The following SORCS3 variants were observed in gnomAD, a reference collection of about 807,000 sequenced individuals.
SORCS3 encodes sortilin related VPS10 domain containing receptor 3, also known as VPS10 domain-containing receptor SorCS3.
Under a neutral mutation model 146.3 loss-of-function variants are expected in SORCS3, and 57 were observed. That is an observed-to-expected ratio of 0.39 (90% CI 0.31 to 0.49). The LOEUF (loss-of-function observed/expected upper bound fraction) is 0.49, where lower values mean the gene tolerates loss of function less well. Ranked by LOEUF, SORCS3 falls within the 20% of genes least tolerant of loss-of-function variation. SORCS3 has a pLI of 0.92. For missense variants in SORCS3, 1,341 were observed against 1,575.5 expected, an observed-to-expected ratio of 0.85 and a Z score of 2.52; for synonymous variants, 653 against 618.5, an observed-to-expected ratio of 1.06 and a Z score of -0.83.
At chr10:105,114,939 T>C (rs749801296) in intron 7 of SORCS3, among the ~76,000 whole-genome samples, 1 of 152,136 alleles carries the variant, frequency 6.6e-6, no homozygotes, top group South Asian at 2.1e-4. Context: ...GTTCTATGTA[T>C]AAACATAGAA....
At chr10:104,684,650 G>C (rs532459641) in intron 1 of SORCS3, among the ~76,000 whole-genome samples, 1 of 152,056 alleles carries the variant, frequency 6.6e-6, no homozygotes, top group South Asian at 2.1e-4. Flanking sequence ...CACTGCTTCT[G>C]TTCTTCAGAT....
At chr10:105,115,649 C>T (rs563322906) in intron 7 of SORCS3, among the ~76,000 whole-genome samples, 1 of 152,214 alleles carries the variant, frequency 6.6e-6, no homozygotes, top group South Asian at 2.1e-4. Context: ...GGTCTCAGCT[C>T]ACCTGGATTT....
At chr10:105,025,837 A>AACACACACAC (rs57597161) in intron 4 of SORCS3, among the ~76,000 whole-genome samples, 3,780 of 135,452 alleles carry the variant, frequency 0.028, 109 homozygotes, top group East Asian at 0.091. Context: ...TGTCTTCTCA[A>AACACACACAC]ACACACACAC....
chr10:104,681,031 G>C (rs1195036409), intron 1 of SORCS3, among the ~76,000 whole-genome samples: 1 of 152,226 alleles, frequency 6.6e-6, no homozygotes, highest in Admixed American at 6.5e-5. Context: ...GCAGAGCTCC[G>C]CCTCGGTTCC....
chr10:104,775,087 T>A (rs2017293667), intron 1 of SORCS3, among the ~76,000 whole-genome samples: 1 of 152,230 alleles, frequency 6.6e-6, no homozygotes, highest in South Asian at 2.1e-4. Context: ...TCAGTTTAAC[T>A]CAAGCATTTA....
intron 1 of SORCS3, among the ~76,000 whole-genome samples, chr10:104,797,144 C>T (rs1421101345): frequency 6.6e-6 from 1 of 152,186 alleles, no homozygotes; most frequent in Non-Finnish European, 1.5e-5. Flanking sequence ...TGAAAGATGA[C>T]ATTTCCCATT....
rs536022454 is a variant in SORCS3, at chr10:105,102,859, G to A, written c.1094-2538G>A. ...GGCTGGAGTACCGTGGCGCGATCTC[G>A]GCTCAGTGCAACCTCTGACTCCCTG... On this transcript the variant is annotated intron_variant, in intron 6 of 26. Transcript: ENST00000369701. Among the ~76,000 whole-genome samples, 167 of 136,946 alleles carry A rather than the reference G, an allele frequency of 1.2e-3. 2 individuals carry two copies. The highest frequency in any genetic ancestry group is 4.4e-3 in the African/African-American group (160 of 36,172). The allele number at this position is 136,946 out of a possible 152,430, so 89.8% of individuals were successfully genotyped here. A position where few individuals can be genotyped will look rare whatever the true frequency, so the allele number is the denominator to read the frequency against.
At chr10:105,011,526 T>G (rs909270744) in intron 4 of SORCS3, among the ~76,000 whole-genome samples, 1 of 152,050 alleles carries the variant, frequency 6.6e-6, no homozygotes, top group African/African-American at 2.4e-5. Context: ...GCTGAGTAGG[T>G]TATGATGTTT....
intron 7 of SORCS3, among the ~76,000 whole-genome samples, chr10:105,120,053 C>A (rs1457030448): frequency 1.3e-5 from 2 of 152,146 alleles, no homozygotes; most frequent in African/African-American, 4.8e-5. Context: ...ATTATAGTTT[C>A]CATAATCCGC....
chr10:105,130,688 T>G (rs2056012497), intron 7 of SORCS3, among the ~76,000 whole-genome samples: 1 of 152,152 alleles, frequency 6.6e-6, no homozygotes, highest in Admixed American at 6.5e-5. Flanking sequence ...AGGGCACCAA[T>G]AAAAGATTTT....
intron 5 of SORCS3, among the ~76,000 whole-genome samples, chr10:105,074,502 C>A (rs1431296239): frequency 6.6e-6 from 1 of 152,206 alleles, no homozygotes; most frequent in Non-Finnish European, 1.5e-5. Context: ...GTATTCAAAT[C>A]ATGAATTCAG....
chr10:105,075,335 T>A (rs941053003), intron 5 of SORCS3, among the ~76,000 whole-genome samples: 2 of 152,192 alleles, frequency 1.3e-5, no homozygotes, highest in Admixed American at 6.5e-5. Flanking sequence ...GGAGCAATGA[T>A]GTCTACCTCC....
Position 105,101,892 on chromosome 10 carries a change from CA to C in SORCS3, c.1094-3504del, listed in dbSNP as rs147416887. ...TTTACATGTTTTTACTGCAGGTTTT[CA>C]TTGTTTTAGTGCTTTATTCTAGGAG... On this transcript the variant is annotated intron_variant, in intron 6 of 26. Transcript: ENST00000369701. 8.8e-3 allele frequency among the ~76,000 whole-genome samples: 1,335 copies of C among 152,288 alleles called. 9 individuals carry two copies. The highest frequency in any genetic ancestry group is 0.015 in the Non-Finnish European group (1,020 of 68,006).
chr10:104,663,431 C>T (rs1342117023), intron 1 of SORCS3, among the ~76,000 whole-genome samples: 2 of 152,178 alleles, frequency 1.3e-5, no homozygotes, highest in Admixed American at 1.3e-4. Flanking sequence ...CAAAACTGAT[C>T]AAATATTAAA....
At chr10:104,747,905 C>A (rs942354805) in intron 1 of SORCS3, among the ~76,000 whole-genome samples, 6 of 152,234 alleles carry the variant, frequency 3.9e-5, no homozygotes, top group African/African-American at 1.4e-4. Context: ...CCCTTGCTAG[C>A]CATGAAACCT....
At chr10:104,971,917 G>A (rs2054862816) in intron 3 of SORCS3, among the ~76,000 whole-genome samples, 1 of 152,154 alleles carries the variant, frequency 6.6e-6, no homozygotes, top group Non-Finnish European at 1.5e-5. Flanking sequence ...GCTGCTATGA[G>A]TTTAAATAAT....
rs1237874232 is a variant in SORCS3 at position 105,262,314 on chromosome 10, G to C, written c.3444-17G>C. The C allele has an allele frequency of 6.2e-7, 1 of 1,608,410 alleles. No individual in the cohort carries two copies. Among genetic ancestry groups the C allele is most frequent in the Non-Finnish European group, 8.5e-7 (1 of 1,175,698 alleles). On this transcript the variant is annotated splice_polypyrimidine_tract_variant and intron_variant, in intron 25 of 26. Coordinates refer to ENST00000369701, the MANE Select transcript of SORCS3 (RefSeq NM_014978.3). ...CACCCTGTGATCTTAACCTGATTTT[G>C]CTCCTGTCCCATGTAGGAAAATCCC...
At chr10:105,017,201 T>C (rs184592874) in intron 4 of SORCS3, among the ~76,000 whole-genome samples, 19 of 152,090 alleles carry the variant, frequency 1.2e-4, no homozygotes, top group African/African-American at 4.3e-4. Context: ...GAAATGATTA[T>C]ACAATTGGGG....
At chr10:104,684,844 G>T (rs2016026459) in intron 1 of SORCS3, among the ~76,000 whole-genome samples, 1 of 109,600 alleles carries the variant, frequency 9.1e-6, no homozygotes, top group African/African-American at 3.6e-5. Context: ...ATGAGACACA[G>T]TCTCACTCTG....
Sources: allele counts gnomAD v4.1 joint callset (sites outside exome capture counted in the v4.1 genomes callset), GRCh38; gene constraint gnomAD v4.1.1; transcripts MANE v1.5; gene names NCBI Gene and HGNC (gene_info 2026-07-23, HGNC 2026-07-21).